Variants in FCRL6 observed in about 807,000 individuals in gnomAD.
FCRL6 encodes the protein Fc receptor like 6.
Under a neutral mutation model 49.1 loss-of-function variants are expected in FCRL6, and 50 were observed. The observed-to-expected ratio is 1.02, with a 90% CI of 0.81 to 1.29. FCRL6 has a LOEUF of 1.29. FCRL6 is among the 50% of genes most tolerant of loss of function. The pLI is 0.00. For missense variants in FCRL6, 571 were observed against 518.5 expected (o/e 1.10, Z -0.98); for synonymous variants, 213 against 199.6 (o/e 1.07, Z -0.57).
intron 1 of FCRL6, among the ~76,000 whole-genome samples, chr1:159,804,554 G>T (rs1430276288): frequency 6.6e-6 from 1 of 152,234 alleles, no homozygotes; most frequent in Non-Finnish European, 1.5e-5. Context: ...GCTAATGGAG[G>T]TCCCTGGGCC....
chr1:159,814,228 C>A lies in FCRL6; in HGVS notation c.1083C>A (p.His361Gln). The A allele has an allele frequency of 3.1e-6, 5 of 1,613,966 alleles. No homozygotes were observed. The highest frequency in any genetic ancestry group is 4.2e-6 in the Non-Finnish European group (5 of 1,179,848). The change falls in exon 8 of 10, where the codon CAC (histidine) becomes CAA (glutamine). Residue 361 changes from histidine (H) to glutamine (Q), a missense_variant. By Grantham distance (24) the His-to-Gln change is conservative. Transcript: ENST00000368106. ...EQCPLYANVH[H>Q]QKGKDEGVVY... ...CCTCATTCCTTCTTCCAGTGCATCA[C>A]CAGAAAGGGAAAGATGAAGGTGTTG...
chr1:159,809,595 G>A lies in FCRL6; in HGVS notation c.798G>A (p.Lys266=). 6.2e-7 allele frequency: 1 copy of A among 1,614,206 alleles called. No homozygotes were observed. Among genetic ancestry groups the A allele is most frequent in the Non-Finnish European group, 8.5e-7 (1 of 1,180,014 alleles). Residue 266 remains lysine, a synonymous_variant, in exon 5 of 10, where the codon AAG becomes AAA. Transcript: ENST00000368106. ...CCACCTCCCTCCTCTTCCCAGTGAA[G>A]TCAGAACAGGATGCTGGGAACTACT... The part of the protein sequence containing the change: ...GGTTSLLFPV[K]SEQDAGNYSC...
At chr1:159,814,762 G>A (rs1663294451) in intron 8 of FCRL6, among the ~76,000 whole-genome samples, 1 of 152,242 alleles carries the variant, frequency 6.6e-6, no homozygotes, top group Non-Finnish European at 1.5e-5. Context: ...TCCAGCCACA[G>A]CTATCAGAGT....
intron 2 of FCRL6, 143 bp from the exon 3 acceptor site, chr1:159,808,035 G>A: frequency 2.4e-6 from 2 of 840,476 alleles, no homozygotes; most frequent in Admixed American, 5.0e-5. Context: ...TGGTCGGCAT[G>A]AAGGACTGGA....
At chr1:159,801,469 A>G (rs1266169845), upstream of FCRL6, among the ~76,000 whole-genome samples, 1 of 152,196 alleles carries the variant, frequency 6.6e-6, no homozygotes, top group Non-Finnish European at 1.5e-5. Flanking sequence ...GCTCAGTCTC[A>G]GCTGGTATCA....
At chr1:159,806,684 A>G in intron 2 of FCRL6, 68 bp downstream of exon 2, 2 of 1,510,412 alleles carry the variant, frequency 1.3e-6, no homozygotes, top group South Asian at 1.1e-5. Flanking sequence ...GGATGGGAAC[A>G]GGACAGTGCC....
chr1:159,810,305 G>A lies in FCRL6; in HGVS notation c.1009+89G>A, dbSNP rs1229584481. On this transcript the variant is annotated intron_variant, in intron 6 of 9. Transcript: ENST00000368106. ...GGAAAGCCAGAGTCTGACAGGACCA[G>A]CCACTCTCTTCTCCTGGGTGTGGAG... 12 of 1,483,190 alleles carry A rather than the reference G, an allele frequency of 8.1e-6. No homozygotes were observed. In the East Asian group the frequency reaches 2.4e-4, roughly 29 times the overall value. 91.9% of individuals were successfully genotyped at this position (1,483,190 alleles called of 1,614,324 possible). A position where few individuals can be genotyped will look rare whatever the true frequency, so the allele number is the denominator to read the frequency against.
intron 6 of FCRL6, among the ~76,000 whole-genome samples, chr1:159,811,853 A>G (rs1268485474): frequency 6.6e-6 from 1 of 152,184 alleles, no homozygotes; most frequent in Non-Finnish European, 1.5e-5. Flanking sequence ...ATCCTCCTCC[A>G]AAGGGCCCAG....
chr1:159,814,463 C>G (rs1376508919), intron 8 of FCRL6, among the ~76,000 whole-genome samples, 171 bp downstream of exon 8: 2 of 152,160 alleles, frequency 1.3e-5, no homozygotes, highest in Non-Finnish European at 2.9e-5. Flanking sequence ...TCCTCCTTCA[C>G]TACCACCTTC....
chr1:159,801,227 T>A (rs1210329945), upstream of FCRL6, among the ~76,000 whole-genome samples: 1 of 152,222 alleles, frequency 6.6e-6, no homozygotes, highest in Non-Finnish European at 1.5e-5. Flanking sequence ...CTTGTATATG[T>A]TTTTTCAGGC....
chr1:159,814,313 CTT>C (rs945199036), intron 8 of FCRL6, 21 bp downstream of exon 8: 1 of 1,606,722 alleles, frequency 6.2e-7, no homozygotes, highest in African/African-American at 1.3e-5. Flanking sequence ...TCAGGCCAAA[CTT>C]GGTACCTTTG....
chr1:159,808,926 C>T (rs376765049), intron 3 of FCRL6, 35 bp from the exon 4 acceptor site: 19 of 1,541,252 alleles, frequency 1.2e-5, no homozygotes, highest in East Asian at 2.3e-5. Context: ...TCATCCAGGA[C>T]TCCCCTCCTG....
Position 159,808,164 on chromosome 1 carries a change from C to T in FCRL6, c.53-14C>T, listed in dbSNP as rs1662821342. The T allele has an allele frequency of 6.2e-7, 1 of 1,600,702 alleles. No homozygotes were observed. Among genetic ancestry groups the T allele is most frequent in the African/African-American group, 1.3e-5 (1 of 74,780 alleles). ...CCTGTAGCTCCAGGGCTGCCCTGTT[C>T]CTCTGTCTCGCAGTCTGGCTGTACC... On this transcript the variant is annotated splice_polypyrimidine_tract_variant and intron_variant, in intron 2 of 9. Transcript: ENST00000368106.
In FCRL6 at chr1:159,808,304, A is replaced by G. The variant is rs369432261; in HGVS notation, c.179A>G (p.His60Arg). 1.9e-5 allele frequency: 30 copies of G among 1,614,112 alleles called. No individual in the cohort carries two copies. The highest frequency in any genetic ancestry group is 6.7e-5 in the East Asian group (3 of 44,892). Residue 60 changes from histidine (H) to arginine (R), a missense_variant, in exon 3 of 10, where the codon CAT becomes CGT. Coordinates refer to ENST00000368106, the MANE Select transcript of FCRL6 (RefSeq NM_001004310.3). ...TTCTACAGAGATGGAAAATTCCTTC[A>G]TTTCTCTAAGGAAAACCAGACTCTG... ...VKFYRDGKFL[H>R]FSKENQTLSM...
chr1:159,809,662 C>A lies in FCRL6; in HGVS notation c.865C>A (p.Pro289Thr), dbSNP rs200622383. 6.8e-6 allele frequency: 11 copies of A among 1,613,886 alleles called. No homozygotes were observed. The highest frequency in any genetic ancestry group is 1.1e-5 in the South Asian group (1 of 91,084). ...ENSVSRERSE[P>T]KKLSLKGSQV... ...CAGTGTCTCCAGAGAGAGGAGTGAG[C>A]CCAAGAAGCTGTCTCTGAAGGGTGT... The change falls in exon 5 of 10, where the codon CCC becomes ACC. Residue 289 changes from proline (P) to threonine (T), a missense_variant. By Grantham distance (38) the Pro-to-Thr change is conservative (BLOSUM62 -1). Coordinates refer to ENST00000368106, the MANE Select transcript of FCRL6 (RefSeq NM_001004310.3).
At position 159,809,047 on chromosome 1, in the gene FCRL6, C is replaced by G. The variant is rs772776972; in HGVS notation, c.406C>G (p.Leu136Val). The G allele has an allele frequency of 1.2e-6, 2 of 1,614,102 alleles. No homozygotes were observed. The highest frequency in any genetic ancestry group is 1.1e-5 in the South Asian group (1 of 91,088). ...SLVTLRCQTK[L>V]HPLRSALRLL... ...GGTGACCCTGAGATGTCAGACAAAG[C>G]TGCACCCCCTGAGGTCAGCCTTGAG... The change falls in exon 4 of 10, where the codon CTG becomes GTG. Residue 136 changes from leucine to valine, a missense_variant. Leu to Val is a conservative substitution (Grantham distance 32). Coordinates refer to ENST00000368106, the MANE Select transcript of FCRL6 (RefSeq NM_001004310.3).
At chr1:159,813,097 C>CT (rs1164274336) in intron 6 of FCRL6, among the ~76,000 whole-genome samples, 8 of 152,218 alleles carry the variant, frequency 5.3e-5, no homozygotes, top group African/African-American at 1.9e-4. Context: ...GTGCTGGTCA[C>CT]TGGTTAGGTG....
intron 2 of FCRL6, among the ~76,000 whole-genome samples, chr1:159,807,214 G>T (rs61689224): frequency 6.6e-6 from 1 of 152,206 alleles, no homozygotes; most frequent in African/African-American, 2.4e-5. Context: ...TCGGTAATGC[G>T]GTGAGCATCG....
At position 159,815,697 on chromosome 1, in the gene FCRL6, A is replaced by C. The variant is rs906204804; in HGVS notation, c.*36A>C. The C allele has an allele frequency of 6.2e-7, 1 of 1,612,028 alleles. No homozygotes were observed. Among genetic ancestry groups the C allele is most frequent in the Non-Finnish European group, 8.5e-7 (1 of 1,179,588 alleles). On this transcript the variant is annotated 3_prime_UTR_variant, in exon 10 of 10. Coordinates refer to ENST00000368106, the MANE Select transcript of FCRL6 (RefSeq NM_001004310.3). ...CTCCTATCAACACACGCCCACCCCC[A>C]GTCTCCAGTGCTCCTCAGGAAGACA... is the stretch of plus-strand genomic sequence containing the variant.
Sources: gnomAD v4.1 joint callset for allele counts (sites outside exome capture counted in the v4.1 genomes callset) on GRCh38, gnomAD v4.1.1 for gene constraint, MANE v1.5 for transcripts, NCBI Gene and HGNC (gene_info 2026-07-23, HGNC 2026-07-21) for gene names.